The following SRFBP1 variants were observed in gnomAD, a reference collection of about 807,000 sequenced individuals.
The protein encoded by SRFBP1 is serum response factor binding protein 1.
In SRFBP1, 47 loss-of-function variants were observed where a neutral mutation model predicts 45.5. The ratio of observed to expected loss-of-function variants is 1.03; its 90% CI spans 0.82 to 1.32. The LOEUF is 1.32. Ranked by LOEUF, SRFBP1 falls within the 40% of genes most tolerant of loss-of-function variation. SRFBP1 has a pLI of 0.00. For synonymous variants in SRFBP1, 203 were observed against 166.3 expected, an observed-to-expected ratio of 1.22 and a Z score of -1.70; for missense variants, 621 against 484.6, an observed-to-expected ratio of 1.28 and a Z score of -2.64.
At chr5:121,977,417 T>A (rs1379165995) in intron 3 of SRFBP1, among the ~76,000 whole-genome samples, 2 of 152,160 alleles carry the variant, frequency 1.3e-5, no homozygotes, top group Non-Finnish European at 2.9e-5. Context: ...CTAGAAAGAC[T>A]ATATATTTGC....
At chr5:122,061,150 T>C (rs1754163098) in intron 2 of SRFBP1, among the ~76,000 whole-genome samples, 1 of 151,950 alleles carries the variant, frequency 6.6e-6, no homozygotes, top group South Asian at 2.1e-4. Context: ...ATTGTCAGAC[T>C]CAAGATTCAT....
chr5:121,986,624 G>C (rs954760619), intron 3 of SRFBP1, among the ~76,000 whole-genome samples: 1 of 151,954 alleles, frequency 6.6e-6, no homozygotes. Context: ...GCCAGTGGTA[G>C]CCCCTTTAAG....
In SRFBP1 at chr5:121,961,978, G is replaced by T; in HGVS notation, c.-55G>T. On this transcript the variant is annotated 5_prime_UTR_variant, in exon 1 of 8. Coordinates refer to ENST00000339397, the MANE Select transcript of SRFBP1 (RefSeq NM_152546.3). Reference sequence around the variant, plus strand: ...TGAGGGGCGTGGCGACGCAGCCGCGGTCTGAGAGACCGGTTCACGTGCAGG... The same window carrying T: ...TGAGGGGCGTGGCGACGCAGCCGCGTTCTGAGAGACCGGTTCACGTGCAGG... 3 of 1,612,584 alleles carry T rather than the reference G, an allele frequency of 1.9e-6. No homozygotes were observed. In the South Asian group the frequency reaches 3.3e-5, roughly 18 times the overall value.
intron 4 of SRFBP1, among the ~76,000 whole-genome samples, chr5:122,000,067 G>A (rs1752824561): frequency 6.6e-6 from 1 of 151,466 alleles, no homozygotes; most frequent in South Asian, 2.1e-4. Flanking sequence ...CTCTTCTATT[G>A]ACCTATTCAT....
chr5:122,066,935 A>T (rs749260159), intron 2 of SRFBP1, among the ~76,000 whole-genome samples: 1 of 152,138 alleles, frequency 6.6e-6, no homozygotes, highest in Non-Finnish European at 1.5e-5. Context: ...GAAAGTGACT[A>T]TGTCAACAGC....
intron 7 of SRFBP1, among the ~76,000 whole-genome samples, chr5:122,024,005 C>G (rs879547184): frequency 1.3e-5 from 2 of 152,194 alleles, no homozygotes; most frequent in Non-Finnish European, 2.9e-5. Context: ...TTAGTCTTAT[C>G]TCTGCTCTAG....
intron 4 of SRFBP1, among the ~76,000 whole-genome samples, chr5:122,002,331 A>G (rs1382004209): frequency 6.6e-6 from 1 of 152,236 alleles, no homozygotes; most frequent in Non-Finnish European, 1.5e-5. Context: ...ATTCTTCTGC[A>G]TAATCTGATT....
intron 2 of SRFBP1, among the ~76,000 whole-genome samples, chr5:122,055,698 C>A (rs1236175721): frequency 6.6e-6 from 1 of 152,040 alleles, no homozygotes; most frequent in Non-Finnish European, 1.5e-5. Context: ...AGGATGATTT[C>A]TCAACATGAA....
At chr5:122,078,250 G>C (rs1238745141), downstream of SRFBP1, 5 of 398,132 alleles carry the variant, frequency 1.3e-5, no homozygotes, top group Admixed American at 1.4e-4. Flanking sequence ...CCGGAGAGCG[G>C]GCAGTGTCTG....
intron 1 of SRFBP1, among the ~76,000 whole-genome samples, chr5:121,964,878 C>T (rs564205785): frequency 1.3e-5 from 2 of 152,194 alleles, no homozygotes; most frequent in Admixed American, 6.5e-5. Context: ...TTTTAATGAT[C>T]GCCATTCTAA....
downstream of SRFBP1, among the ~76,000 whole-genome samples, chr5:122,029,211 A>C (rs911213320): frequency 6.6e-6 from 1 of 152,152 alleles, no homozygotes; most frequent in African/African-American, 2.4e-5. Flanking sequence ...CACACAAAAA[A>C]GAATTTTATA....
At chr5:122,064,194 A>G (rs924025375) in intron 2 of SRFBP1, 2 of 151,944 alleles carry the variant, frequency 1.3e-5, no homozygotes, top group African/African-American at 2.4e-5. Context: ...CCTATTTTTT[A>G]AAATGTATTT....
chr5:122,072,400 A>T (rs1254471593), intron 2 of SRFBP1, among the ~76,000 whole-genome samples: 1 of 152,232 alleles, frequency 6.6e-6, no homozygotes, highest in Non-Finnish European at 1.5e-5. Context: ...CAGCAATTTG[A>T]GTTTTAGCAA....
At position 122,023,468 on chromosome 5, in the gene SRFBP1, G is replaced by A. The variant is rs115994369; in HGVS notation, c.1105+1061G>A. Reference sequence around the variant, plus strand: ...CATACCATGATATACCATGTATCGAGTAGCAGAACAGGGACAAAGTAATGA... The same window carrying A: ...CATACCATGATATACCATGTATCGAATAGCAGAACAGGGACAAAGTAATGA... On this transcript the variant is annotated intron_variant, in intron 7 of 7. Coordinates refer to ENST00000339397, the MANE Select transcript of SRFBP1 (RefSeq NM_152546.3). 8.2e-3 allele frequency among the ~76,000 whole-genome samples: 1,249 copies of A among 152,254 alleles called. 7 individuals are homozygous for A. The highest frequency in any genetic ancestry group is 0.014 in the South Asian group (67 of 4,822).
downstream of SRFBP1, among the ~76,000 whole-genome samples, chr5:122,076,660 G>A (rs1215691533): frequency 2.0e-5 from 3 of 152,158 alleles, no homozygotes; most frequent in East Asian, 5.8e-4. Flanking sequence ...CAGGATAAGG[G>A]TTTCCTCCAC....
At chr5:122,008,647 A>G (rs1045394266) in intron 4 of SRFBP1, among the ~76,000 whole-genome samples, 3 of 151,934 alleles carry the variant, frequency 2.0e-5, no homozygotes, top group African/African-American at 7.3e-5. Flanking sequence ...TGGTTTCGTT[A>G]GCTCTTGTAA....
chr5:122,075,269 T>C (rs1754583406), intron 2 of SRFBP1: 3 of 769,974 alleles, frequency 3.9e-6, no homozygotes, highest in Admixed American at 3.1e-5. Flanking sequence ...TGAAATTACA[T>C]AGAGAAAAAT....
intron 2 of SRFBP1, chr5:122,066,840 A>C (rs1310215637): frequency 1.3e-6 from 1 of 789,854 alleles, no homozygotes; most frequent in Non-Finnish European, 2.2e-6. Context: ...CCTTTTAAAA[A>C]CTTTATGCAA....
At position 121,987,582 on chromosome 5, in the gene SRFBP1, T is replaced by C. The variant is rs561177712; in HGVS notation, c.199-7017T>C. Among the ~76,000 whole-genome samples the C allele has an allele frequency of 1.0e-3, 155 of 152,316 alleles. 2 individuals carry two copies. The Middle Eastern group carries it at 0.01, about 10-fold the overall frequency. On this transcript the variant is annotated intron_variant, in intron 3 of 7. Transcript: ENST00000339397. ...TTTCAGATTCTTTATTTCAGAGAAA[T>C]GACTCATTTTCAAATAGACCAAAAA...
Sources: gnomAD v4.1 joint callset for allele counts (sites outside exome capture counted in the v4.1 genomes callset) on GRCh38, gnomAD v4.1.1 for gene constraint, MANE v1.5 for transcripts, NCBI Gene and HGNC (gene_info 2026-07-23, HGNC 2026-07-21) for gene names.